The following SNAP23 variants were observed in gnomAD, a reference collection of about 807,000 sequenced individuals.
SNAP23 encodes synaptosomal-associated protein 23.
Under a neutral mutation model 29.0 loss-of-function variants are expected in SNAP23, and 11 were observed. The ratio of observed to expected loss-of-function variants is 0.38; its 90% CI spans 0.24 to 0.63. SNAP23 has a LOEUF of 0.63. Among genes scored for constraint, SNAP23 ranks in the 20% least tolerant of loss-of-function variants. The pLI is 0.58. For synonymous variants in SNAP23, 60 were observed against 82.9 expected, an observed-to-expected ratio of 0.72 and a Z score of 1.50; for missense variants, 220 against 253.9, an observed-to-expected ratio of 0.87 and a Z score of 0.91.
chr15:42,491,972 G>A (rs565459717), upstream of SNAP23, among the ~76,000 whole-genome samples: 1 of 151,848 alleles, frequency 6.6e-6, no homozygotes, highest in African/African-American at 2.4e-5. Context: ...GTGCAGAACC[G>A]CTCTCTTGGT....
intron 1 of SNAP23, among the ~76,000 whole-genome samples, chr15:42,509,685 G>A (rs933409180): frequency 1.3e-5 from 2 of 152,108 alleles, no homozygotes; most frequent in African/African-American, 2.4e-5. Context: ...TGATCCATCC[G>A]CCTCGGCCTC....
chr15:42,532,111 A>C lies in SNAP23; in HGVS notation c.*633A>C, dbSNP rs918834547. ...TTTTCTTTCTTTTTTTTTTTTTTGG[A>C]GTCAGAGTCTCGCTCTCTTGTCCAG... On this transcript the variant is annotated 3_prime_UTR_variant, in exon 8 of 8. Coordinates refer to ENST00000249647, the MANE Select transcript of SNAP23 (RefSeq NM_003825.4). The C allele has an allele frequency of 6.8e-6, 1 of 147,614 alleles. No individual in the cohort carries two copies. Among genetic ancestry groups the C allele is most frequent in the African/African-American group, 2.5e-5 (1 of 39,898 alleles). 9.1% of individuals were successfully genotyped at this position (147,614 alleles called of 1,614,324 possible). A position where few individuals can be genotyped will look rare whatever the true frequency, so the allele number is the denominator to read the frequency against.
intron 7 of SNAP23, among the ~76,000 whole-genome samples, chr15:42,530,423 G>A (rs1377115889): frequency 6.6e-6 from 1 of 152,102 alleles, no homozygotes; most frequent in Non-Finnish European, 1.5e-5. Context: ...TATAAATATA[G>A]TGAAAGCGAA....
At chr15:42,509,410 G>T (rs937563939) in intron 1 of SNAP23, among the ~76,000 whole-genome samples, 1 of 151,140 alleles carries the variant, frequency 6.6e-6, no homozygotes, top group Non-Finnish European at 1.5e-5. Context: ...TTTTTCATGA[G>T]CACTAATGGC....
In SNAP23 at chr15:42,529,808, A is replaced by G. The variant is rs756351260; in HGVS notation, c.559A>G (p.Ile187Val). Reference sequence around the variant, plus strand: ...TGCTCAAAATCCACAAATAAAACGAATCACAGACAAGGTAAAAGCTTTTTA... The same window carrying G: ...TGCTCAAAATCCACAAATAAAACGAGTCACAGACAAGGTAAAAGCTTTTTA... ...IDAQNPQIKR[I>V]TDKADTNRDR... Residue 187 changes from isoleucine to valine, a missense_variant, in exon 7 of 8, where the codon ATC becomes GTC. By Grantham distance (29) the Ile-to-Val change is conservative. Coordinates refer to ENST00000249647, the MANE Select transcript of SNAP23 (RefSeq NM_003825.4). 6.2e-7 allele frequency: 1 copy of G among 1,611,452 alleles called. No homozygotes were observed. Among genetic ancestry groups the G allele is most frequent in the Non-Finnish European group, 8.5e-7 (1 of 1,179,474 alleles).
chr15:42,523,583 A>G (rs1481751284), intron 5 of SNAP23, among the ~76,000 whole-genome samples: 1 of 152,220 alleles, frequency 6.6e-6, no homozygotes, highest in African/African-American at 2.4e-5. Context: ...ATGAATGAAA[A>G]TATTTATCCA....
At position 42,528,268 on chromosome 15, in the gene SNAP23, G is replaced by A. The variant is rs758998833; in HGVS notation, c.273G>A (p.Lys91=). ...GLCVCPCNRT[K]NFESGKAYKT... is the part of the protein sequence containing the mutation. ...ACTCCTGACTCTTATATAGAACAAA[G>A]AACTTTGAGTCTGGCAAGGCTTATA... Residue 91 remains lysine, a synonymous_variant, in exon 6 of 8, where the codon AAG becomes AAA. Coordinates refer to ENST00000249647, the MANE Select transcript of SNAP23 (RefSeq NM_003825.4). The A allele has an allele frequency of 6.2e-7, 1 of 1,613,702 alleles. No individual in the cohort carries two copies. The highest frequency in any genetic ancestry group is 1.3e-5 in the African/African-American group (1 of 74,868).
intron 5 of SNAP23, among the ~76,000 whole-genome samples, chr15:42,520,619 C>G (rs530563798): frequency 1.3e-5 from 2 of 152,080 alleles, no homozygotes; most frequent in Non-Finnish European, 2.9e-5. Flanking sequence ...CTCAGCCTCT[C>G]GGGTAGCTGG....
chr15:42,526,408 C>T (rs1386905119), intron 5 of SNAP23, among the ~76,000 whole-genome samples: 1 of 152,090 alleles, frequency 6.6e-6, no homozygotes. Context: ...ATGAAACACA[C>T]TTGGAGAACT....
chr15:42,526,892 C>T (rs1384470995), intron 5 of SNAP23, among the ~76,000 whole-genome samples: 1 of 148,472 alleles, frequency 6.7e-6, no homozygotes, highest in Non-Finnish European at 1.5e-5. Context: ...GGCTGGAGTG[C>T]AGTGGTGTGA....
chr15:42,498,473 CCT>C (rs1481607297), intron 1 of SNAP23, among the ~76,000 whole-genome samples: 1 of 152,208 alleles, frequency 6.6e-6, no homozygotes, highest in East Asian at 1.9e-4. Flanking sequence ...TACCTTGACC[CCT>C]TTTAGCCAGG....
chr15:42,526,714 T>C (rs1276823382), intron 5 of SNAP23, among the ~76,000 whole-genome samples: 1 of 152,220 alleles, frequency 6.6e-6, no homozygotes, highest in Non-Finnish European at 1.5e-5. Flanking sequence ...AAAACTAAAA[T>C]TGAATGAAAG....
At chr15:42,512,651 A>T (rs1026769007) in intron 2 of SNAP23, among the ~76,000 whole-genome samples, 1 of 152,118 alleles carries the variant, frequency 6.6e-6, no homozygotes, top group Non-Finnish European at 1.5e-5. Flanking sequence ...TGCTGGGATT[A>T]TAGGCTTGAA....
At chr15:42,506,753 A>G (rs893661856) in intron 1 of SNAP23, among the ~76,000 whole-genome samples, 7 of 152,012 alleles carry the variant, frequency 4.6e-5, no homozygotes, top group African/African-American at 1.7e-4. Flanking sequence ...CTATTTTCCA[A>G]TATTCAGCAG....
chr15:42,525,362 C>T lies in SNAP23; in HGVS notation c.267-2900C>T, dbSNP rs1378932220. ...CAGCCTGGGCGATACAGCGAGACTC[C>T]GTCTCAAAAAAAAAAAAAAAAATTC... On this transcript the variant is annotated intron_variant, in intron 5 of 7. Transcript: ENST00000249647. Among the ~76,000 whole-genome samples, 5 of 133,134 alleles carry T rather than the reference C, an allele frequency of 3.8e-5. 1 individual carries two copies. The South Asian group carries it at 1.2e-3, about 32-fold the overall frequency. The allele number at this position is 133,134 out of a possible 152,430, so 87.3% of individuals were successfully genotyped here. A position where few individuals can be genotyped will look rare whatever the true frequency, so the allele number is the denominator to read the frequency against.
chr15:42,499,904 G>A (rs1283385098), intron 1 of SNAP23, among the ~76,000 whole-genome samples: 2 of 152,198 alleles, frequency 1.3e-5, no homozygotes, highest in South Asian at 2.1e-4. Context: ...AGCACTTTGA[G>A]AGTCTGAGGC....
At chr15:42,517,547 G>C (rs2057407713) in intron 5 of SNAP23, among the ~76,000 whole-genome samples, 1 of 152,122 alleles carries the variant, frequency 6.6e-6, no homozygotes, top group South Asian at 2.1e-4. Context: ...CATAGAAAGT[G>C]GGAAATGCAG....
At chr15:42,526,471 TTAG>T (rs1430617611) in intron 5 of SNAP23, among the ~76,000 whole-genome samples, 6 of 152,140 alleles carry the variant, frequency 3.9e-5, no homozygotes, top group Non-Finnish European at 7.4e-5. Flanking sequence ...CAAAAAAAAA[TTAG>T]TAGTATCCTT....
At chr15:42,518,947 C>G (rs2057420435) in intron 5 of SNAP23, among the ~76,000 whole-genome samples, 1 of 151,924 alleles carries the variant, frequency 6.6e-6, no homozygotes, top group South Asian at 2.1e-4. Flanking sequence ...ACTGCAGCCT[C>G]GACCTCCTAG....
Sources: allele counts gnomAD v4.1 joint callset (sites outside exome capture counted in the v4.1 genomes callset), GRCh38; gene constraint gnomAD v4.1.1; transcripts MANE v1.5; gene names NCBI Gene and HGNC (gene_info 2026-07-23, HGNC 2026-07-21).